Variants in KIZ observed in about 807,000 individuals in gnomAD.
The protein encoded by KIZ is centrosomal protein kizuna.
Under a neutral mutation model 79.6 loss-of-function variants are expected in KIZ, and 68 were observed. The observed-to-expected ratio is 0.85, with a 90% CI of 0.70 to 1.05. The LOEUF is 1.05. KIZ is among the 50% of genes least tolerant of loss of function. The probability of loss-of-function intolerance (pLI) is 0.00; values close to 1 mark genes in which losing one functional copy is unlikely to be tolerated. For missense variants in KIZ, 797 were observed against 800.4 expected (o/e 1.00, Z 0.05); for synonymous variants, 280 against 281.8 (o/e 0.99, Z 0.06).
At chr20:21,135,286 C>T (rs944944906) in intron 2 of KIZ, among the ~76,000 whole-genome samples, 1 of 152,176 alleles carries the variant, frequency 6.6e-6, no homozygotes, top group African/African-American at 2.4e-5. Context: ...TCCGGGTAGA[C>T]ACCACCAGCA....
chr20:21,195,883 GGTCTCC>G (rs1377143304), intron 6 of KIZ: 1 of 152,830 alleles, frequency 6.5e-6, no homozygotes, highest in East Asian at 1.9e-4. Flanking sequence ...CAGCCAGCAT[GGTCTCC>G]GTTACCTTCC....
chr20:21,164,650 A>G (rs1158288182), intron 6 of KIZ, among the ~76,000 whole-genome samples: 2 of 152,054 alleles, frequency 1.3e-5, no homozygotes, highest in Admixed American at 1.3e-4. Flanking sequence ...GAGTATGTGT[A>G]TGAATTCCTA....
rs550019756 is a variant in KIZ at position 21,197,379 on chromosome 20, A to G, written c.1353-8112A>G. The G allele has an allele frequency of 5.2e-5, 8 of 152,400 alleles. No individual in the cohort carries two copies. The South Asian group carries it at 1.7e-3, about 32-fold the overall frequency. 9.4% of individuals were successfully genotyped at this position (152,400 alleles called of 1,614,324 possible). A position where few individuals can be genotyped will look rare whatever the true frequency, so the allele number is the denominator to read the frequency against. On this transcript the variant is annotated intron_variant, in intron 6 of 12. Transcript: ENST00000619189. The stretch of plus-strand genomic sequence containing the variant: ...ATGGAAAACTAATAGTCATTTTTCT[A>G]CATTCAGAAATAGAGGATGTAACCT...
intron 9 of KIZ, among the ~76,000 whole-genome samples, chr20:21,216,351 A>G (rs185112840): frequency 4.8e-4 from 73 of 152,318 alleles, no homozygotes; most frequent in Non-Finnish European, 7.6e-4. Context: ...TTACACAAGT[A>G]AATACACCAT....
At chr20:21,246,401 C>T in intron 12 of KIZ, 78 bp from the exon 13 acceptor site, 1 of 843,026 alleles carries the variant, frequency 1.2e-6, no homozygotes, top group Non-Finnish European at 2.0e-6. Flanking sequence ...CTTAACCAGT[C>T]CTTCCGTGCT....
At chr20:21,187,813 T>G (rs1351810539) in intron 6 of KIZ, among the ~76,000 whole-genome samples, 1 of 152,224 alleles carries the variant, frequency 6.6e-6, no homozygotes, top group African/African-American at 2.4e-5. Flanking sequence ...TAGAACTGAT[T>G]ATAATGTCTA....
rs1373997484 is a variant in KIZ, at chr20:21,228,955, G to A, written c.1679-56G>A. On this transcript the variant is annotated intron_variant, in intron 9 of 12. Coordinates refer to ENST00000619189, the MANE Select transcript of KIZ (RefSeq NM_018474.6). Reference sequence around the variant, plus strand: ...TAATCTCATAGGAAGAATTTAAAAAGCTTCTTTCTGGCCAGTAAAAAATGT... The same window carrying A: ...TAATCTCATAGGAAGAATTTAAAAAACTTCTTTCTGGCCAGTAAAAAATGT... 3.3e-6 allele frequency: 3 copies of A among 918,736 alleles called. No homozygotes were observed. The African/African-American group carries it at 5.0e-5, about 15-fold the overall frequency. 56.9% of individuals were successfully genotyped at this position (918,736 alleles called of 1,614,324 possible).
intron 6 of KIZ, among the ~76,000 whole-genome samples, chr20:21,181,952 T>G (rs531335595): frequency 1.3e-5 from 2 of 152,366 alleles, no homozygotes; most frequent in East Asian, 3.9e-4. Flanking sequence ...TGGTTGGTAC[T>G]GCCCATCACT....
intron 4 of KIZ, among the ~76,000 whole-genome samples, chr20:21,152,016 G>A (rs2033145839): frequency 1.3e-5 from 2 of 152,196 alleles, no homozygotes; most frequent in African/African-American, 4.8e-5. Flanking sequence ...CATTCCTCAT[G>A]ATCTGGGCAG....
chr20:21,141,098 C>G (rs6035788), intron 3 of KIZ, among the ~76,000 whole-genome samples: 89,134 of 151,920 alleles, frequency 0.59, 27,389 homozygotes, highest in South Asian at 0.77. Context: ...CCTCCTCTCC[C>G]TCATTCTGCC....
chr20:21,238,199 C>T (rs572040197), intron 11 of KIZ, among the ~76,000 whole-genome samples: 1 of 152,046 alleles, frequency 6.6e-6, no homozygotes, highest in East Asian at 1.9e-4. Flanking sequence ...ATATATAGCT[C>T]CACCATTCAC....
chr20:21,136,585 A>G, intron 3 of KIZ, 33 bp downstream of exon 3: 3 of 1,428,944 alleles, frequency 2.1e-6, no homozygotes, highest in Non-Finnish European at 1.9e-6. Context: ...GTTTTATTTT[A>G]TTTGTTGTTG....
At chr20:21,207,972 C>G (rs1369249960) in intron 7 of KIZ, among the ~76,000 whole-genome samples, 1 of 152,164 alleles carries the variant, frequency 6.6e-6, no homozygotes, top group Non-Finnish European at 1.5e-5. Context: ...CCATCAGCCT[C>G]CCAAAGTTCT....
chr20:21,154,568 C>G (rs370920028), intron 4 of KIZ, among the ~76,000 whole-genome samples: 34 of 152,346 alleles, frequency 2.2e-4, no homozygotes, highest in African/African-American at 7.0e-4. Flanking sequence ...AGATTTATCT[C>G]TAGCACTCAA....
Position 21,152,291 on chromosome 20 carries a change from C to A in KIZ, c.405+6637C>A, listed in dbSNP as rs560723587. Among the ~76,000 whole-genome samples the A allele has an allele frequency of 2.6e-5, 4 of 152,086 alleles. 1 individual carries two copies. The highest frequency in any genetic ancestry group is 5.9e-5 in the Non-Finnish European group (4 of 68,020). ...TTTCTATAATTTAATAATTTTTATA[C>A]GATTTTAAAAATTAAACCTATGAAG... On this transcript the variant is annotated intron_variant, in intron 4 of 12. Coordinates refer to ENST00000619189, the MANE Select transcript of KIZ (RefSeq NM_018474.6).
At chr20:21,242,129 A>G (rs1426064700) in intron 11 of KIZ, among the ~76,000 whole-genome samples, 3 of 152,182 alleles carry the variant, frequency 2.0e-5, no homozygotes, top group Non-Finnish European at 4.4e-5. Flanking sequence ...CACTACCCGC[A>G]TGGATCTTGC....
At chr20:21,152,754 C>T (rs1359248827) in intron 4 of KIZ, among the ~76,000 whole-genome samples, 2 of 152,160 alleles carry the variant, frequency 1.3e-5, no homozygotes, top group East Asian at 3.8e-4. Flanking sequence ...AAGTTACCTG[C>T]TGTCACTATT....
intron 3 of KIZ, among the ~76,000 whole-genome samples, chr20:21,140,378 A>G (rs1395434758): frequency 6.6e-6 from 1 of 152,212 alleles, no homozygotes; most frequent in Non-Finnish European, 1.5e-5. Context: ...CAGAAAGTGC[A>G]ACCAAGTGAA....
intron 11 of KIZ, among the ~76,000 whole-genome samples, chr20:21,240,667 T>A (rs866266820): frequency 2.0e-5 from 3 of 152,156 alleles, no homozygotes; most frequent in African/African-American, 7.2e-5. Context: ...TTTACAACAA[T>A]GGTGGCCCTT....
Sources: allele counts gnomAD v4.1 joint callset (sites outside exome capture counted in the v4.1 genomes callset), GRCh38; gene constraint gnomAD v4.1.1; transcripts MANE v1.5; gene names NCBI Gene and HGNC (gene_info 2026-07-23, HGNC 2026-07-21).